UTRN: variants seen among roughly 807,000 people sequenced by gnomAD.
UTRN encodes the protein utrophin.
Under a neutral mutation model 463.9 loss-of-function variants are expected in UTRN, and 283 were observed. The ratio of observed to expected loss-of-function variants is 0.61; its 90% CI spans 0.55 to 0.67. UTRN has a LOEUF of 0.67. Among genes scored for constraint, UTRN ranks in the 30% least tolerant of loss-of-function variants. The probability of loss-of-function intolerance (pLI) is 0.00; values close to 1 mark genes in which losing one functional copy is unlikely to be tolerated. For missense variants in UTRN, 3,922 were observed against 4,084.3 expected (o/e 0.96, Z 1.08); for synonymous variants, 1,442 against 1,431.5 (o/e 1.01, Z -0.17).
At chr6:144,421,647 C>T (rs1021498769) in intron 3 of UTRN, among the ~76,000 whole-genome samples, 9 of 151,658 alleles carry the variant, frequency 5.9e-5, no homozygotes, top group African/African-American at 2.2e-4. Flanking sequence ...TGAGATCACT[C>T]CACTGCACTC....
chr6:144,479,405 C>T (rs976759639), intron 25 of UTRN, among the ~76,000 whole-genome samples: 7 of 152,168 alleles, frequency 4.6e-5, no homozygotes, highest in African/African-American at 1.4e-4. Context: ...AGGTGTGAGC[C>T]ACCAAGACTG....
At chr6:144,548,567 G>T in intron 46 of UTRN, 73 bp from the exon 47 acceptor site, 1 of 1,407,718 alleles carries the variant, frequency 7.1e-7, no homozygotes, top group Non-Finnish European at 9.8e-7. Flanking sequence ...ACACATACAC[G>T]TGTCACCATG....
At chr6:144,739,624 C>T (rs1015150292) in intron 54 of UTRN, among the ~76,000 whole-genome samples, 5 of 152,184 alleles carry the variant, frequency 3.3e-5, no homozygotes, top group Non-Finnish European at 7.3e-5. Context: ...CCTCCATAAC[C>T]GAGCCACGGT....
At chr6:144,846,994 G>T (rs957280527) in intron 74 of UTRN, among the ~76,000 whole-genome samples, 167 bp downstream of exon 74, 1 of 152,150 alleles carries the variant, frequency 6.6e-6, no homozygotes, top group Admixed American at 6.5e-5. Context: ...GTCTGGGAGT[G>T]GGGGGTGGCT....
chr6:144,610,516 A>C (rs1361393198), intron 51 of UTRN, among the ~76,000 whole-genome samples: 1 of 152,216 alleles, frequency 6.6e-6, no homozygotes, highest in Non-Finnish European at 1.5e-5. Context: ...ACCAATTCTA[A>C]GCTTTTCTAG....
chr6:144,702,655 G>A (rs538086041), intron 53 of UTRN, among the ~76,000 whole-genome samples: 19 of 152,272 alleles, frequency 1.2e-4, no homozygotes, highest in African/African-American at 3.8e-4. Flanking sequence ...CACAAATTGG[G>A]TGATTTTTGA....
chr6:144,679,324 G>T (rs1781975657), intron 52 of UTRN, among the ~76,000 whole-genome samples: 1 of 152,090 alleles, frequency 6.6e-6, no homozygotes, highest in Non-Finnish European at 1.5e-5. Flanking sequence ...AGAGTGGACA[G>T]CTCCTAATTA....
At chr6:144,353,636 A>T (rs1204802613) in intron 2 of UTRN, among the ~76,000 whole-genome samples, 1 of 152,112 alleles carries the variant, frequency 6.6e-6, no homozygotes, top group Non-Finnish European at 1.5e-5. Flanking sequence ...AATTAGAAAT[A>T]AGAAAACAGT....
chr6:144,738,417 C>A (rs746197958), intron 54 of UTRN, among the ~76,000 whole-genome samples: 3 of 152,220 alleles, frequency 2.0e-5, no homozygotes, highest in Non-Finnish European at 2.9e-5. Context: ...TGTGCCTTCT[C>A]TCCTGTTCAT....
At chr6:144,529,968 T>C (rs536396166) in intron 41 of UTRN, among the ~76,000 whole-genome samples, 2 of 152,304 alleles carry the variant, frequency 1.3e-5, no homozygotes, top group East Asian at 1.9e-4. Context: ...GGGTTTTACT[T>C]TGCCATCTTT....
chr6:144,610,998 A>G (rs1411247927), intron 51 of UTRN, among the ~76,000 whole-genome samples: 3 of 152,272 alleles, frequency 2.0e-5, no homozygotes, highest in Admixed American at 6.5e-5. Context: ...GCACATAAAA[A>G]GAGTCATTTA....
At chr6:144,541,162 A>G (rs1467366832) in intron 45 of UTRN, among the ~76,000 whole-genome samples, 2 of 152,222 alleles carry the variant, frequency 1.3e-5, no homozygotes, top group Admixed American at 6.5e-5. Flanking sequence ...AGCAAAGTCC[A>G]CCAATGGTTT....
intron 3 of UTRN, 134 bp downstream of exon 3, chr6:144,403,318 T>TTG: frequency 1.3e-6 from 1 of 743,912 alleles, no homozygotes; most frequent in South Asian, 1.6e-5. Flanking sequence ...GATACATTTG[T>TTG]TGTTCCTTTA....
At position 144,691,181 on chromosome 6, in the gene UTRN, A is replaced by G. The variant is rs57644975; in HGVS notation, c.7653-8906A>G. 3.4e-3 allele frequency among the ~76,000 whole-genome samples: 512 copies of G among 152,260 alleles called. 1 individual carries two copies. The highest frequency in any genetic ancestry group is 0.012 in the African/African-American group (480 of 41,562). On this transcript the variant is annotated intron_variant, in intron 52 of 74. Coordinates refer to ENST00000367545, the MANE Select transcript of UTRN (RefSeq NM_007124.3). ...GCCCAGGCTGGAGTGCGATGGTGCA[A>G]TCTTGGCTCACTACAACCTCCATCT...
At chr6:144,479,149 C>T (rs1392496324) in intron 25 of UTRN, among the ~76,000 whole-genome samples, 3 of 129,034 alleles carry the variant, frequency 2.3e-5, no homozygotes, top group African/African-American at 6.1e-5. Flanking sequence ...GACAGAGTCT[C>T]GCTCTGTTCC....
chr6:144,698,509 C>T (rs1294282206), intron 52 of UTRN, among the ~76,000 whole-genome samples: 1 of 152,212 alleles, frequency 6.6e-6, no homozygotes, highest in Admixed American at 6.5e-5. Flanking sequence ...CTCTAAACCT[C>T]AAAGATCATG....
chr6:144,730,645 T>C (rs1384567038), intron 54 of UTRN, among the ~76,000 whole-genome samples, 159 bp downstream of exon 54: 3 of 152,132 alleles, frequency 2.0e-5, no homozygotes, highest in Non-Finnish European at 4.4e-5. Flanking sequence ...TTCACAGATA[T>C]CTAGATTCTT....
intron 43 of UTRN, among the ~76,000 whole-genome samples, chr6:144,533,861 A>G (rs1562536906): frequency 1.3e-5 from 2 of 152,084 alleles, no homozygotes; most frequent in South Asian, 2.1e-4. Context: ...CACTTTCCAT[A>G]TTTAAAATTA....
At chr6:144,740,131 A>G (rs1198168262) in intron 54 of UTRN, among the ~76,000 whole-genome samples, 1 of 152,234 alleles carries the variant, frequency 6.6e-6, no homozygotes, top group Non-Finnish European at 1.5e-5. Context: ...ACTGTCTTCT[A>G]TGTGACAGAG....
Sources: gnomAD v4.1 joint callset for allele counts (sites outside exome capture counted in the v4.1 genomes callset) on GRCh38, gnomAD v4.1.1 for gene constraint, MANE v1.5 for transcripts, NCBI Gene and HGNC (gene_info 2026-07-23, HGNC 2026-07-21) for gene names.